The following ADGB variants were observed in gnomAD, a reference collection of about 807,000 sequenced individuals.
ADGB encodes the protein androglobin, also known as calpain-7-like protein.
In ADGB, 172 loss-of-function variants were observed where a neutral mutation model predicts 210.5. The observed-to-expected ratio is 0.82, with a 90% CI of 0.72 to 0.93. The LOEUF (loss-of-function observed/expected upper bound fraction) is 0.93. Among genes scored for constraint, ADGB ranks in the 40% least tolerant of loss-of-function variants. ADGB has a pLI of 0.00. For synonymous variants in ADGB, 658 were observed against 662.7 expected (o/e 0.99, Z 0.11); for missense variants, 2,025 against 1,964.8 (o/e 1.03, Z -0.58).
At chr6:146,719,211 C>T (rs1776779674) in intron 16 of ADGB, among the ~76,000 whole-genome samples, 1 of 152,098 alleles carries the variant, frequency 6.6e-6, no homozygotes, top group Admixed American at 6.6e-5. Context: ...AGAAGAATGC[C>T]TATTAGTAAG....
At chr6:146,662,110 A>C (rs1179271390) in intron 5 of ADGB, among the ~76,000 whole-genome samples, 6 of 152,026 alleles carry the variant, frequency 3.9e-5, no homozygotes, top group African/African-American at 1.2e-4. Flanking sequence ...CTGGCTGTAG[A>C]ATTCTTTAAG....
chr6:146,808,081 C>A (rs1778241055), intron 35 of ADGB, among the ~76,000 whole-genome samples: 1 of 140,200 alleles, frequency 7.1e-6, no homozygotes, highest in Admixed American at 7.6e-5. Context: ...CTCTCTGCAA[C>A]CTCTGCCTCC....
intron 5 of ADGB, among the ~76,000 whole-genome samples, chr6:146,658,796 T>C (rs116723429): frequency 1.5e-3 from 231 of 152,334 alleles, no homozygotes; most frequent in African/African-American, 5.5e-3. Context: ...CACCTCTAGA[T>C]AATTTAGCCC....
intron 1 of ADGB, among the ~76,000 whole-genome samples, chr6:146,612,054 G>T (rs755652412): frequency 3.3e-5 from 5 of 152,074 alleles, no homozygotes; most frequent in Non-Finnish European, 7.4e-5. Flanking sequence ...CTGGGTCGTT[G>T]TCTCTCATAA....
chr6:146,664,141 T>C, intron 5 of ADGB, 60 bp from the exon 6 acceptor site: 1 of 1,440,438 alleles, frequency 6.9e-7, no homozygotes, highest in Non-Finnish European at 9.2e-7. Context: ...GTGCAATCAT[T>C]TACGAGAGAA....
intron 6 of ADGB, among the ~76,000 whole-genome samples, chr6:146,666,017 A>G (rs1278812021): frequency 6.6e-6 from 1 of 152,078 alleles, no homozygotes; most frequent in Non-Finnish European, 1.5e-5. Flanking sequence ...AGACATATAG[A>G]AATTTGTAAT....
intron 3 of ADGB, 24 bp downstream of exon 3, chr6:146,644,889 TA>T: frequency 7.5e-7 from 1 of 1,340,356 alleles, no homozygotes; most frequent in Non-Finnish European, 1.0e-6. Flanking sequence ...TTCTATTAAA[TA>T]AAATACTTAC....
At chr6:146,705,128 A>G (rs750712516) in intron 13 of ADGB, among the ~76,000 whole-genome samples, 3 of 151,880 alleles carry the variant, frequency 2.0e-5, no homozygotes, top group Non-Finnish European at 4.4e-5. Context: ...TGTTTTTTGT[A>G]TGTTGATTTT....
At chr6:146,740,766 C>A (rs1777153984) in intron 24 of ADGB, among the ~76,000 whole-genome samples, 173 bp downstream of exon 24, 2 of 151,982 alleles carry the variant, frequency 1.3e-5, no homozygotes, top group South Asian at 4.1e-4. Flanking sequence ...TTTATCTATT[C>A]TTTTCATCAA....
chr6:146,764,177 T>C, intron 28 of ADGB, 77 bp downstream of exon 28: 1 of 1,303,038 alleles, frequency 7.7e-7, no homozygotes. Flanking sequence ...TCCCTAAAAA[T>C]AGTCAATATA....
At chr6:146,665,220 T>A (rs1255129408) in intron 6 of ADGB, among the ~76,000 whole-genome samples, 1 of 152,022 alleles carries the variant, frequency 6.6e-6, no homozygotes, top group Non-Finnish European at 1.5e-5. Context: ...CATTGCAATG[T>A]TAGTCAGAAG....
intron 13 of ADGB, among the ~76,000 whole-genome samples, chr6:146,713,475 T>C (rs186289086): frequency 1.9e-4 from 29 of 152,358 alleles, no homozygotes; most frequent in Admixed American, 5.2e-4. Flanking sequence ...TTTTGGTTTG[T>C]ATTCCTCTAG....
chr6:146,717,112 T>C, intron 15 of ADGB, 43 bp downstream of exon 15: 3 of 1,467,314 alleles, frequency 2.0e-6, no homozygotes, highest in Non-Finnish European at 2.8e-6. Context: ...TCGTAGTGGT[T>C]AAACCCTGAG....
intron 16 of ADGB, among the ~76,000 whole-genome samples, chr6:146,718,492 G>A (rs1456946108): frequency 6.6e-6 from 1 of 152,050 alleles, no homozygotes; most frequent in Non-Finnish European, 1.5e-5. Flanking sequence ...CTTTAGAAGA[G>A]CTGTATCTTT....
intron 11 of ADGB, among the ~76,000 whole-genome samples, chr6:146,691,801 T>C (rs1234969468): frequency 2.0e-5 from 3 of 151,864 alleles, no homozygotes; most frequent in African/African-American, 7.2e-5. Context: ...GATAGAAAAG[T>C]AGTTTGTAGC....
intron 35 of ADGB, among the ~76,000 whole-genome samples, chr6:146,814,798 A>AT (rs1248270958): frequency 6.6e-6 from 1 of 152,056 alleles, no homozygotes; most frequent in African/African-American, 2.4e-5. Context: ...TGTTTTGACT[A>AT]TTTTTTCTAC....
intron 25 of ADGB, among the ~76,000 whole-genome samples, chr6:146,744,920 C>G (rs1268487180): frequency 6.6e-6 from 1 of 152,104 alleles, no homozygotes; most frequent in African/African-American, 2.4e-5. Context: ...TTCAGTAGTA[C>G]AATGAACTCA....
chr6:146,717,123 C>A, intron 15 of ADGB, 54 bp downstream of exon 15: 1 of 1,370,570 alleles, frequency 7.3e-7, no homozygotes, highest in Non-Finnish European at 1.0e-6. Flanking sequence ...AAACCCTGAG[C>A]TGCATTAGTA....
intron 16 of ADGB, 102 bp downstream of exon 16, chr6:146,717,701 A>G: frequency 1.7e-6 from 1 of 572,258 alleles, no homozygotes; most frequent in Non-Finnish European, 2.9e-6. Context: ...AACTTGTAAC[A>G]TAGTTATATT....
Sources: allele counts gnomAD v4.1 joint callset (sites outside exome capture counted in the v4.1 genomes callset), GRCh38; gene constraint gnomAD v4.1.1; transcripts MANE v1.5; gene names NCBI Gene and HGNC (gene_info 2026-07-23, HGNC 2026-07-21).